The following LHFPL3 variants were observed in gnomAD, a reference collection of about 807,000 sequenced individuals.
LHFPL3 encodes the protein LHFPL tetraspan subfamily member 3, also known as LHFPL tetraspan subfamily member 3 protein.
A neutral mutation model predicts 19.3 loss-of-function variants in LHFPL3; 5 were observed. The observed-to-expected ratio is 0.26, with a 90% CI of 0.14 to 0.54. LHFPL3 has a LOEUF of 0.54. Among genes scored for constraint, LHFPL3 ranks in the 20% least tolerant of loss-of-function variants. The pLI is 0.94. For synonymous variants in LHFPL3, 133 were observed against 126.2 expected, an observed-to-expected ratio of 1.05 and a Z score of -0.36; for missense variants, 249 against 307.4, an observed-to-expected ratio of 0.81 and a Z score of 1.42.
intron 1 of LHFPL3, among the ~76,000 whole-genome samples, chr7:104,386,000 A>T (rs1389736852): frequency 6.6e-6 from 1 of 152,112 alleles, no homozygotes; most frequent in African/African-American, 2.4e-5. Context: ...CCAAAGGCTT[A>T]CAAAAATGTA....
At chr7:104,357,482 C>A (rs1008316447) in intron 1 of LHFPL3, among the ~76,000 whole-genome samples, 1 of 152,176 alleles carries the variant, frequency 6.6e-6, no homozygotes, top group Non-Finnish European at 1.5e-5. Flanking sequence ...ACTCCGTAAG[C>A]ACTAACTTTC....
At chr7:104,628,832 C>A (rs1163662037) in intron 1 of LHFPL3, among the ~76,000 whole-genome samples, 1 of 152,062 alleles carries the variant, frequency 6.6e-6, no homozygotes, top group South Asian at 2.1e-4. Context: ...TCATTGAGTG[C>A]CTTTGGACAT....
chr7:104,885,375 T>G (rs1037126551), intron 2 of LHFPL3, among the ~76,000 whole-genome samples: 4 of 152,168 alleles, frequency 2.6e-5, no homozygotes, highest in African/African-American at 9.7e-5. Flanking sequence ...AACCTCTCCC[T>G]TGAATTCCAG....
At chr7:104,814,880 C>T (rs886290154) in intron 2 of LHFPL3, among the ~76,000 whole-genome samples, 3 of 152,192 alleles carry the variant, frequency 2.0e-5, no homozygotes, top group African/African-American at 7.2e-5. Flanking sequence ...CAGGGAGAAA[C>T]CAGGCGGCGG....
intron 1 of LHFPL3, among the ~76,000 whole-genome samples, chr7:104,565,232 A>C (rs990356751): frequency 2.0e-5 from 3 of 152,242 alleles, no homozygotes; most frequent in African/African-American, 7.2e-5. Flanking sequence ...TGTGGAGATA[A>C]CTTTATTCAG....
At chr7:104,824,504 A>T (rs1295249382) in intron 2 of LHFPL3, among the ~76,000 whole-genome samples, 2 of 61,822 alleles carry the variant, frequency 3.2e-5, no homozygotes, top group Non-Finnish European at 5.7e-5. Flanking sequence ...AATTATATAT[A>T]TTATTTTATA....
chr7:104,406,333 TAGGCCAGGTTGGAAATATTAAG>T (rs1791411820), intron 1 of LHFPL3, among the ~76,000 whole-genome samples: 2 of 152,170 alleles, frequency 1.3e-5, no homozygotes, highest in African/African-American at 4.8e-5. Context: ...CTGTGGAATG[TAGGCCAGGTTGGAAATATTAAG>T]AGAGCAGTTT....
chr7:104,416,340 G>T (rs141931139), intron 1 of LHFPL3, among the ~76,000 whole-genome samples: 201 of 152,296 alleles, frequency 1.3e-3, no homozygotes, highest in African/African-American at 4.7e-3. Flanking sequence ...CCAGCCTCCA[G>T]AACATTGAGA....
chr7:104,595,533 G>A (rs1584427149), intron 1 of LHFPL3, among the ~76,000 whole-genome samples: 2 of 152,352 alleles, frequency 1.3e-5, no homozygotes, highest in Non-Finnish European at 2.9e-5. Context: ...CCCACTTGAG[G>A]AAGCAGTCTT....
Position 104,906,530 on chromosome 7 carries a change from T to C in LHFPL3, c.*315T>C, listed in dbSNP as rs1792619206. On this transcript the variant is annotated 3_prime_UTR_variant, in exon 3 of 3. Transcript: ENST00000424859. ...ATAAGGAAGAGGAATATAAATGCTC[T>C]AGAGTTAACATGTAAAATATATACG... 2.7e-6 allele frequency: 1 copy of C among 367,640 alleles called. No individual in the cohort carries two copies. Among genetic ancestry groups the C allele is most frequent in the African/African-American group, 2.1e-5 (1 of 48,482 alleles). The allele number at this position is 367,640 out of a possible 1,614,324, so 22.8% of individuals were successfully genotyped here.
At chr7:104,353,562 G>T (rs1035043797) in intron 1 of LHFPL3, among the ~76,000 whole-genome samples, 15 of 152,224 alleles carry the variant, frequency 9.9e-5, no homozygotes, top group African/African-American at 3.4e-4. Flanking sequence ...AGTAATTCCT[G>T]TAAGATAAAG....
intron 1 of LHFPL3, among the ~76,000 whole-genome samples, chr7:104,453,748 ATAAG>A (rs1262818231): frequency 6.6e-6 from 1 of 151,908 alleles, no homozygotes; most frequent in African/African-American, 2.4e-5. Context: ...CCCCTTGGTG[ATAAG>A]TAAGCTGTCA....
chr7:104,501,412 A>G (rs1402177933), intron 1 of LHFPL3, among the ~76,000 whole-genome samples: 1 of 152,246 alleles, frequency 6.6e-6, no homozygotes, highest in African/African-American at 2.4e-5. Context: ...AATATGATTT[A>G]AACTAAAGGC....
In LHFPL3 at chr7:104,898,006, C is replaced by CTTTTTTTTTTT. The variant is rs71155536; in HGVS notation, c.683-8170_683-8160dup. On this transcript the variant is annotated intron_variant, in intron 2 of 2. Coordinates refer to ENST00000424859, the MANE Select transcript of LHFPL3 (RefSeq NM_199000.3). Reference sequence around the variant, plus strand: ...CTGCTGACAGAAAGAAATGTCACCCCTTTTTTTTTTTTTTTTTTTTTGATA... The same window carrying CTTTTTTTTTTT: ...CTGCTGACAGAAAGAAATGTCACCCCTTTTTTTTTTTTTTTTTTTTTTTTTTTTTTTTGATA... Among the ~76,000 whole-genome samples the CTTTTTTTTTTT allele has an allele frequency of 7.4e-4, 72 of 96,804 alleles. 4 individuals are homozygous for CTTTTTTTTTTT. Among genetic ancestry groups the CTTTTTTTTTTT allele is most frequent in the Admixed American group, 8.9e-4 (7 of 7,846 alleles). The allele number at this position is 96,804 out of a possible 152,430, so 63.5% of individuals were successfully genotyped here. A position where few individuals can be genotyped will look rare whatever the true frequency, so the allele number is the denominator to read the frequency against.
chr7:104,355,178 G>A (rs951719068), intron 1 of LHFPL3, among the ~76,000 whole-genome samples: 2 of 152,128 alleles, frequency 1.3e-5, no homozygotes, highest in African/African-American at 2.4e-5. Flanking sequence ...ATTCGTCTTC[G>A]AGAGAACATC....
chr7:104,334,072 G>A (rs1173956114), intron 1 of LHFPL3, among the ~76,000 whole-genome samples: 1 of 152,152 alleles, frequency 6.6e-6, no homozygotes, highest in African/African-American at 2.4e-5. Context: ...CAGTAAGTAG[G>A]CCCTCTGTGA....
chr7:104,471,767 C>T (rs368630559), intron 1 of LHFPL3, among the ~76,000 whole-genome samples: 1 of 151,950 alleles, frequency 6.6e-6, no homozygotes, highest in East Asian at 1.9e-4. Flanking sequence ...TATTATTTTC[C>T]GTTTGGATTC....
At chr7:104,878,549 C>A (rs1343146316) in intron 2 of LHFPL3, among the ~76,000 whole-genome samples, 1 of 152,076 alleles carries the variant, frequency 6.6e-6, no homozygotes, top group East Asian at 1.9e-4. Flanking sequence ...ACCAGCCATT[C>A]CCCCATCTCT....
At chr7:104,865,391 G>T (rs1472668195) in intron 2 of LHFPL3, among the ~76,000 whole-genome samples, 6 of 152,146 alleles carry the variant, frequency 3.9e-5, no homozygotes. Context: ...GGACCTGATG[G>T]AGCTGAAAAC....
Sources: allele counts gnomAD v4.1 joint callset (sites outside exome capture counted in the v4.1 genomes callset), GRCh38; gene constraint gnomAD v4.1.1; transcripts MANE v1.5; gene names NCBI Gene and HGNC (gene_info 2026-07-23, HGNC 2026-07-21).